The following PLD1 variants were observed in gnomAD, a reference collection of about 807,000 sequenced individuals.
PLD1 encodes phospholipase D1.
A neutral mutation model predicts 137.1 loss-of-function variants in PLD1; 112 were observed. The observed-to-expected ratio is 0.82, with a 90% CI of 0.70 to 0.96. The LOEUF is 0.96. Among genes scored for constraint, PLD1 ranks in the 40% least tolerant of loss-of-function variants. The probability of loss-of-function intolerance (pLI) is 0.00; values close to 1 mark genes in which losing one functional copy is unlikely to be tolerated. For synonymous variants in PLD1, 431 were observed against 454.7 expected, an observed-to-expected ratio of 0.95 and a Z score of 0.66; for missense variants, 1,321 against 1,342.0, an observed-to-expected ratio of 0.98 and a Z score of 0.24.
At chr3:171,775,946 A>T (rs750225973) in intron 1 of PLD1, among the ~76,000 whole-genome samples, 5 of 152,238 alleles carry the variant, frequency 3.3e-5, no homozygotes, top group Admixed American at 6.5e-5. Flanking sequence ...GGGGGACCCT[A>T]GTATGAGATG....
intron 8 of PLD1, among the ~76,000 whole-genome samples, chr3:171,721,970 G>A (rs550454356): frequency 1.3e-5 from 2 of 152,064 alleles, no homozygotes; most frequent in Non-Finnish European, 2.9e-5. Context: ...GTGGATGCCA[G>A]TATTAATTTT....
intron 23 of PLD1, among the ~76,000 whole-genome samples, chr3:171,635,023 A>G (rs1323233417): frequency 2.6e-5 from 4 of 152,080 alleles, no homozygotes; most frequent in African/African-American, 9.7e-5. Context: ...AAACCAGACA[A>G]TATGTGGCCT....
intron 1 of PLD1, among the ~76,000 whole-genome samples, chr3:171,806,802 T>C (rs1173170453): frequency 6.6e-6 from 1 of 152,224 alleles, no homozygotes; most frequent in East Asian, 1.9e-4. Flanking sequence ...AATTGTTATT[T>C]TTCTGATAGA....
chr3:171,675,797 C>G (rs113548929), intron 18 of PLD1, among the ~76,000 whole-genome samples: 1 of 151,932 alleles, frequency 6.6e-6, no homozygotes, highest in Admixed American at 6.6e-5. Flanking sequence ...GACTCATTAT[C>G]CCTTCAAGTA....
At chr3:171,750,848 G>A (rs1417041419) in intron 1 of PLD1, among the ~76,000 whole-genome samples, 1 of 152,172 alleles carries the variant, frequency 6.6e-6, no homozygotes, top group African/African-American at 2.4e-5. Context: ...CTGACAATAT[G>A]ATCCTGGAAT....
rs1736058896 is a variant in PLD1 at position 171,644,835 on chromosome 3, AC to A, written c.2543+74del. ...CACTCCACCGAATGGATGTGGAGAA[AC>A]ACTGCCATTCCCTTCATCAGCTTAC... On this transcript the variant is annotated intron_variant, in intron 22 of 26. Coordinates refer to ENST00000351298, the MANE Select transcript of PLD1 (RefSeq NM_002662.5). The A allele has an allele frequency of 8.1e-6, 7 of 860,120 alleles. No individual in the cohort carries two copies. In the Admixed American group the frequency reaches 1.2e-4, roughly 15 times the overall value. The allele number at this position is 860,120 out of a possible 1,614,324, so 53.3% of individuals were successfully genotyped here.
intron 23 of PLD1, among the ~76,000 whole-genome samples, chr3:171,621,586 G>T (rs576880613): frequency 2.0e-5 from 3 of 152,156 alleles, no homozygotes; most frequent in East Asian, 1.9e-4. Context: ...TCATTCATAG[G>T]TTATGTATAG....
intron 6 of PLD1, among the ~76,000 whole-genome samples, chr3:171,728,430 A>G (rs1467262057): frequency 6.6e-6 from 1 of 152,218 alleles, no homozygotes; most frequent in Non-Finnish European, 1.5e-5. Flanking sequence ...TCTTAATTGG[A>G]AAAGGTAATC....
chr3:171,691,310 A>T (rs913072355), intron 13 of PLD1, among the ~76,000 whole-genome samples: 6 of 152,144 alleles, frequency 3.9e-5, no homozygotes, highest in Non-Finnish European at 8.8e-5. Context: ...TTTACATTTA[A>T]AGTAATTATT....
rs771384475 is a variant in PLD1 at position 171,734,882 on chromosome 3, G to C, written c.523C>G (p.Gln175Glu). Residue 175 changes from glutamine (Q) to glutamate (E), a missense_variant, in exon 5 of 27, where the codon CAA becomes GAA. By Grantham distance (29) the Gln-to-Glu change is conservative. Transcript: ENST00000351298. Reference protein sequence around the residue: ...RSSENMIREEQFLGRRKQLED... With the variant: ...RSSENMIREEEFLGRRKQLED... ...AAACTTACTCTTCTACCAAGGAATT[G>C]TTCTTCTCTTATCATGTTTTCAGAT... 6.2e-6 allele frequency: 10 copies of C among 1,605,934 alleles called. No individual in the cohort carries two copies. Among genetic ancestry groups the C allele is most frequent in the Middle Eastern group, 3.3e-4 (2 of 6,056 alleles).
chr3:171,653,749 G>T (rs1286631818), intron 21 of PLD1: 1 of 152,170 alleles, frequency 6.6e-6, no homozygotes, highest in Non-Finnish European at 1.5e-5. Context: ...GAATATCATG[G>T]AAATGCTATA....
chr3:171,689,924 T>G (rs1560219866), intron 13 of PLD1, among the ~76,000 whole-genome samples: 1 of 152,156 alleles, frequency 6.6e-6, no homozygotes, highest in African/African-American at 2.4e-5. Flanking sequence ...AGTTAGAGAG[T>G]CTTCTCTTCT....
rs192717099 is a variant in PLD1 at position 171,746,889 on chromosome 3, G to T, written c.-31-8807C>A. 6.0e-3 allele frequency among the ~76,000 whole-genome samples: 908 copies of T among 152,304 alleles called. 38 individuals are homozygous for T. The highest frequency in any genetic ancestry group is 0.057 in the Admixed American group (870 of 15,300). ...TGGGGCCCCCTTCAATACGGTGGAAGGTTTGTTCTTTTGCTCTTTGCAATA... is the reference window on the plus strand; with the variant it reads ...TGGGGCCCCCTTCAATACGGTGGAATGTTTGTTCTTTTGCTCTTTGCAATA... On this transcript the variant is annotated intron_variant, in intron 1 of 26. Transcript: ENST00000351298.
rs182765868 is a variant in PLD1 at position 171,663,920 on chromosome 3, G to A, written c.2230-1750C>T. ...ATGTCTGCTGTATATAAAAGGCCTGGAAAAATTCTTGTTCAAATCAATAAC... is the reference window on the plus strand; with the variant it reads ...ATGTCTGCTGTATATAAAAGGCCTGAAAAAATTCTTGTTCAAATCAATAAC... On this transcript the variant is annotated intron_variant, in intron 19 of 26. Transcript: ENST00000351298. 1.1e-4 allele frequency among the ~76,000 whole-genome samples: 16 copies of A among 152,228 alleles called. No individual in the cohort carries two copies. The East Asian group carries it at 3.1e-3, about 29-fold the overall frequency.
intron 1 of PLD1, among the ~76,000 whole-genome samples, chr3:171,781,102 CT>C (rs1722779961): frequency 6.6e-6 from 1 of 151,990 alleles, no homozygotes; most frequent in Non-Finnish European, 1.5e-5. Context: ...CAGTGTGGTA[CT>C]AGTACAGGAT....
intron 23 of PLD1, among the ~76,000 whole-genome samples, chr3:171,627,570 T>C (rs1214927739): frequency 6.6e-6 from 1 of 151,810 alleles, no homozygotes; most frequent in Non-Finnish European, 1.5e-5. Context: ...TTTTTCAGCA[T>C]CACACCACAC....
intron 11 of PLD1, among the ~76,000 whole-genome samples, chr3:171,702,058 G>A (rs1716293094): frequency 6.6e-6 from 1 of 152,042 alleles, no homozygotes; most frequent in African/African-American, 2.4e-5. Flanking sequence ...AGAAGATGGG[G>A]GAATAATAAA....
intron 1 of PLD1, among the ~76,000 whole-genome samples, chr3:171,806,563 A>G (rs1483273264): frequency 6.6e-6 from 1 of 152,246 alleles, no homozygotes. Context: ...ACAAAACCAG[A>G]CCTTGCAGAG....
chr3:171,788,586 T>A (rs1723101883), intron 1 of PLD1: 1 of 151,926 alleles, frequency 6.6e-6, no homozygotes, highest in Non-Finnish European at 1.5e-5. Context: ...TAAAACAAGG[T>A]AACAAACTTT....
Sources: gnomAD v4.1 joint callset for allele counts (sites outside exome capture counted in the v4.1 genomes callset) on GRCh38, gnomAD v4.1.1 for gene constraint, MANE v1.5 for transcripts, NCBI Gene and HGNC (gene_info 2026-07-23, HGNC 2026-07-21) for gene names.